Variants in RAB38 observed in about 807,000 individuals in gnomAD.
RAB38 encodes the protein ras-related protein Rab-38.
In RAB38, 15 loss-of-function variants were observed where a neutral mutation model predicts 18.4. The ratio of observed to expected loss-of-function variants is 0.82; its 90% CI spans 0.55 to 1.26. The LOEUF (loss-of-function observed/expected upper bound fraction) is 1.26. RAB38 is among the 50% of genes most tolerant of loss of function. The pLI is 0.00. For synonymous variants in RAB38, 101 were observed against 104.4 expected (o/e 0.97, Z 0.20); for missense variants, 294 against 267.4 (o/e 1.10, Z -0.69).
the RAB38 span, among the ~76,000 whole-genome samples, chr11:87,936,913 C>T: frequency 6.6e-6 from 1 of 151,974 alleles, no homozygotes; most frequent in Non-Finnish European, 1.5e-5. Context: ...ATGTATACAA[C>T]CATGCCATTT....
chr11:87,847,739 T>A, the RAB38 span, among the ~76,000 whole-genome samples: 1 of 152,010 alleles, frequency 6.6e-6, no homozygotes. Flanking sequence ...GTTATGACGA[T>A]CAATTTAACG....
At chr11:88,020,273 A>G in the RAB38 span, among the ~76,000 whole-genome samples, 3 of 152,190 alleles carry the variant, frequency 2.0e-5, no homozygotes, top group African/African-American at 7.2e-5. Context: ...AAAAGAGCCA[A>G]TGAAAACCAA....
At chr11:88,147,520 G>A (rs1054617396) in intron 2 of RAB38, among the ~76,000 whole-genome samples, 2 of 151,164 alleles carry the variant, frequency 1.3e-5, no homozygotes, top group African/African-American at 2.4e-5. Flanking sequence ...GAAATTGAGT[G>A]TGGCGCTAAA....
chr11:87,951,565 A>G, the RAB38 span, among the ~76,000 whole-genome samples: 1 of 151,216 alleles, frequency 6.6e-6, no homozygotes, highest in African/African-American at 2.4e-5. Context: ...TCATGTACAG[A>G]TGGGGTTTTG....
At chr11:88,079,794 A>AC in the RAB38 span, among the ~76,000 whole-genome samples, 1 of 151,798 alleles carries the variant, frequency 6.6e-6, no homozygotes, top group African/African-American at 2.4e-5. Context: ...AAAGAAAAAA[A>AC]ATATAGTAAT....
chr11:88,140,834 A>G (rs942477622), intron 2 of RAB38, among the ~76,000 whole-genome samples: 2 of 152,212 alleles, frequency 1.3e-5, no homozygotes, highest in African/African-American at 4.8e-5. Flanking sequence ...TGACCTGGTT[A>G]TATGGTGTCC....
At chr11:87,928,102 AAAAG>A in the RAB38 span, among the ~76,000 whole-genome samples, 77 of 151,998 alleles carry the variant, frequency 5.1e-4, no homozygotes, top group East Asian at 1.9e-3. Context: ...AAAAGACAAG[AAAAG>A]AAAGAAAGAA....
the RAB38 span, among the ~76,000 whole-genome samples, chr11:88,075,447 C>T: frequency 8.9e-4 from 136 of 152,058 alleles, no homozygotes; most frequent in African/African-American, 3.3e-3. Flanking sequence ...CCTGAATGAT[C>T]AATGAAGAAA....
chr11:87,973,473 G>C, the RAB38 span, among the ~76,000 whole-genome samples: 8 of 151,936 alleles, frequency 5.3e-5, no homozygotes, highest in Non-Finnish European at 7.4e-5. Flanking sequence ...CACAGAGAGA[G>C]AGCACATGTG....
At chr11:88,131,189 A>G (rs1348181734) in intron 2 of RAB38, among the ~76,000 whole-genome samples, 1 of 152,202 alleles carries the variant, frequency 6.6e-6, no homozygotes, top group Admixed American at 6.5e-5. Context: ...ATTAAAAATT[A>G]TATTTACAAA....
chr11:87,845,216 A>G, the RAB38 span, among the ~76,000 whole-genome samples: 37,963 of 152,024 alleles, frequency 0.25, 5,910 homozygotes, highest in African/African-American at 0.44. Flanking sequence ...GCCCAACTCA[A>G]AGAAAATAAA....
At chr11:88,098,475 A>G in the RAB38 span, 764 of 152,120 alleles carry the variant, frequency 5.0e-3, 5 homozygotes, top group African/African-American at 0.017. Flanking sequence ...AACAGTGGAG[A>G]TATGGCTTTT....
the RAB38 span, among the ~76,000 whole-genome samples, chr11:87,934,576 T>TGC: frequency 6.6e-6 from 1 of 152,096 alleles, no homozygotes; most frequent in Non-Finnish European, 1.5e-5. Flanking sequence ...AGTACTCTCG[T>TGC]GCAATGCTAA....
At chr11:88,014,731 C>T in the RAB38 span, among the ~76,000 whole-genome samples, 1 of 152,178 alleles carries the variant, frequency 6.6e-6, no homozygotes, top group Non-Finnish European at 1.5e-5. Context: ...TTATTACCTG[C>T]ATACTGATTG....
At chr11:87,873,949 T>TATATATATATATATATATATATATAC in the RAB38 span, among the ~76,000 whole-genome samples, 8 of 138,064 alleles carry the variant, frequency 5.8e-5, no homozygotes, top group Admixed American at 8.1e-5. Flanking sequence ...TATATATATA[T>TATATATATATATATATATATATATAC]ACTCTGCATA....
At chr11:87,926,420 G>A in the RAB38 span, among the ~76,000 whole-genome samples, 5 of 152,034 alleles carry the variant, frequency 3.3e-5, no homozygotes, top group African/African-American at 1.2e-4. Context: ...CGGAAAGTGA[G>A]CTCACCTTTC....
At chr11:87,855,202 TGCATTTCTCTGA>T in the RAB38 span, among the ~76,000 whole-genome samples, 2 of 152,238 alleles carry the variant, frequency 1.3e-5, no homozygotes, top group Non-Finnish European at 2.9e-5. Flanking sequence ...TTTATTTTCC[TGCATTTCTCTGA>T]GCAGTCAGAT....
At chr11:87,805,888 C>T in the RAB38 span, among the ~76,000 whole-genome samples, 3 of 152,116 alleles carry the variant, frequency 2.0e-5, no homozygotes, top group African/African-American at 7.2e-5. Context: ...TTAGGGACCT[C>T]AGTCTTTTTC....
downstream of RAB38, among the ~76,000 whole-genome samples, chr11:88,112,481 A>G (rs1942486390): frequency 6.6e-6 from 1 of 152,180 alleles, no homozygotes; most frequent in Non-Finnish European, 1.5e-5. Context: ...ATGTACCCAC[A>G]TATCTCATCC....
Sources: allele counts gnomAD v4.1 joint callset (sites outside exome capture counted in the v4.1 genomes callset), GRCh38; gene constraint gnomAD v4.1.1; transcripts MANE v1.5; gene names NCBI Gene and HGNC (gene_info 2026-07-23, HGNC 2026-07-21).